TLK1: variants seen among roughly 807,000 people sequenced by gnomAD.
TLK1 encodes the protein tousled like kinase 1.
TLK1 carries 24 observed loss-of-function variants against 105.3 expected under a neutral mutation model. The ratio of observed to expected loss-of-function variants is 0.23; its 90% confidence interval spans 0.17 to 0.32. The LOEUF is 0.32. Ranked by LOEUF, TLK1 falls within the 10% of genes least tolerant of loss-of-function variation. The pLI is 1.00. For synonymous variants in TLK1, 321 were observed against 310.4 expected, an observed-to-expected ratio of 1.03 and a Z score of -0.36; for missense variants, 558 against 910.5, an observed-to-expected ratio of 0.61 and a Z score of 4.98.
intron 4 of TLK1, among the ~76,000 whole-genome samples, chr2:171,060,526 C>T (rs1302829946): frequency 6.6e-6 from 1 of 152,154 alleles, no homozygotes; most frequent in African/African-American, 2.4e-5. Context: ...CATCATTATA[C>T]ACGATTTAAG....
intron 1 of TLK1, among the ~76,000 whole-genome samples, chr2:171,148,904 T>TAC (rs1691906780): frequency 7.2e-6 from 1 of 138,780 alleles, no homozygotes; most frequent in Admixed American, 7.2e-5. Context: ...TATATATATA[T>TAC]ATATATATGT....
intron 1 of TLK1, among the ~76,000 whole-genome samples, chr2:171,123,020 C>T (rs981474252): frequency 6.7e-6 from 1 of 150,266 alleles, no homozygotes; most frequent in Non-Finnish European, 1.5e-5. Context: ...GCCTGGGTGA[C>T]AAGAGAAGAC....
intron 12 of TLK1, among the ~76,000 whole-genome samples, chr2:171,019,930 C>T (rs948282554): frequency 2.6e-5 from 4 of 151,880 alleles, no homozygotes; most frequent in South Asian, 4.2e-4. Flanking sequence ...TGGTGGTGCT[C>T]GCCTATAACC....
intron 1 of TLK1, among the ~76,000 whole-genome samples, chr2:171,151,877 TAAA>T (rs1692055346): frequency 6.6e-6 from 1 of 152,216 alleles, no homozygotes; most frequent in African/African-American, 2.4e-5. Context: ...CACAGATGTT[TAAA>T]AGAAATCGGC....
intron 12 of TLK1, among the ~76,000 whole-genome samples, chr2:171,027,669 T>TATA (rs368702723): frequency 9.5e-4 from 144 of 152,332 alleles, no homozygotes; most frequent in African/African-American, 3.4e-3. Context: ...GAAATGAACA[T>TATA]AAACAATATG....
At chr2:171,054,325 T>C (rs1243997351) in intron 7 of TLK1, 1 of 152,424 alleles carries the variant, frequency 6.6e-6, no homozygotes, top group East Asian at 1.9e-4. Flanking sequence ...CACAAAATAT[T>C]GTTTTTAACT....
chr2:171,096,653 G>A (rs1280945024), intron 2 of TLK1, among the ~76,000 whole-genome samples: 1 of 151,636 alleles, frequency 6.6e-6, no homozygotes, highest in Non-Finnish European at 1.5e-5. Flanking sequence ...AGCTACTCAG[G>A]AGACTGAAGC....
At chr2:171,177,700 CCCCA>C (rs1354353755) in intron 1 of TLK1, among the ~76,000 whole-genome samples, 1 of 152,130 alleles carries the variant, frequency 6.6e-6, no homozygotes, top group African/African-American at 2.4e-5. Flanking sequence ...TGAATAAGGC[CCCCA>C]AAAGGATATG....
At chr2:171,037,796 T>G (rs1252137020) in intron 11 of TLK1, among the ~76,000 whole-genome samples, 1 of 152,134 alleles carries the variant, frequency 6.6e-6, no homozygotes, top group East Asian at 1.9e-4. Flanking sequence ...TTTTCACAAG[T>G]GAGATTTGCC....
At chr2:171,165,514 A>G (rs1174466883), upstream of TLK1, among the ~76,000 whole-genome samples, 8 of 152,086 alleles carry the variant, frequency 5.3e-5, no homozygotes, top group Admixed American at 1.3e-4. Context: ...AAAGCATCCA[A>G]TATTATAGAC....
At chr2:171,012,468 T>C (rs1684964781) in intron 13 of TLK1, among the ~76,000 whole-genome samples, 1 of 152,118 alleles carries the variant, frequency 6.6e-6, no homozygotes, top group African/African-American at 2.4e-5. Flanking sequence ...ACTAATACAC[T>C]GTATTTTTAT....
At chr2:171,072,166 A>T (rs905866168) in intron 3 of TLK1, among the ~76,000 whole-genome samples, 1 of 152,184 alleles carries the variant, frequency 6.6e-6, no homozygotes, top group Non-Finnish European at 1.5e-5. Flanking sequence ...GATTACATTA[A>T]ACCTATAGAT....
At chr2:171,134,021 T>C (rs1248775613) in intron 1 of TLK1, among the ~76,000 whole-genome samples, 1 of 152,108 alleles carries the variant, frequency 6.6e-6, no homozygotes, top group Non-Finnish European at 1.5e-5. Context: ...ATAAAATTCA[T>C]TGTTATGTGC....
chr2:171,130,973 A>C (rs2105556443), intron 1 of TLK1, among the ~76,000 whole-genome samples: 1 of 152,000 alleles, frequency 6.6e-6, no homozygotes, highest in South Asian at 2.1e-4. Context: ...AATCACCCCA[A>C]AATCAAAATT....
At chr2:171,211,042 G>C (rs930894830) in intron 1 of TLK1, among the ~76,000 whole-genome samples, 1 of 152,138 alleles carries the variant, frequency 6.6e-6, no homozygotes, top group African/African-American at 2.4e-5. Context: ...TATGATCTTT[G>C]CGGTGACATC....
chr2:170,994,004 C>T (rs537031410), intron 20 of TLK1, 48 bp from the exon 21 acceptor site: 3 of 1,514,544 alleles, frequency 2.0e-6, no homozygotes, highest in Admixed American at 2.0e-5. Flanking sequence ...TTTTTCCCTT[C>T]TAAATATCAA....
chr2:171,157,632 GAAAC>G (rs1218466171), intron 1 of TLK1, among the ~76,000 whole-genome samples: 3 of 152,130 alleles, frequency 2.0e-5, no homozygotes, highest in East Asian at 3.8e-4. Context: ...AAGGTAAAAA[GAAAC>G]AAAACTACAA....
chr2:171,104,304 A>G (rs1689823899), intron 2 of TLK1, among the ~76,000 whole-genome samples: 1 of 152,066 alleles, frequency 6.6e-6, no homozygotes, highest in Non-Finnish European at 1.5e-5. Flanking sequence ...TCCATTTACA[A>G]GAACTAAGAA....
intron 3 of TLK1, among the ~76,000 whole-genome samples, chr2:171,071,732 A>G (rs1688265854): frequency 6.6e-6 from 1 of 152,096 alleles, no homozygotes; most frequent in Non-Finnish European, 1.5e-5. Context: ...TTCAGTCTTT[A>G]ACCCATTTTG....
Sources: allele counts gnomAD v4.1 joint callset (sites outside exome capture counted in the v4.1 genomes callset), GRCh38; gene constraint gnomAD v4.1.1; transcripts MANE v1.5; gene names NCBI Gene and HGNC (gene_info 2026-07-23, HGNC 2026-07-21).